Variants in TBC1D19 observed in about 807,000 individuals in gnomAD.
TBC1D19 encodes the protein TBC1 domain family, member 19.
Under a neutral mutation model 89.0 loss-of-function variants are expected in TBC1D19, and 60 were observed. The observed-to-expected ratio is 0.67, with a 90% CI of 0.55 to 0.84. TBC1D19 has a LOEUF of 0.84. Among genes scored for constraint, TBC1D19 ranks in the 40% least tolerant of loss-of-function variants. The pLI is 0.00. For synonymous variants in TBC1D19, 189 were observed against 199.7 expected, an observed-to-expected ratio of 0.95 and a Z score of 0.45; for missense variants, 500 against 610.8, an observed-to-expected ratio of 0.82 and a Z score of 1.91.
At chr4:26,851,353 CT>C in the TBC1D19 span, among the ~76,000 whole-genome samples, 1 of 150,564 alleles carries the variant, frequency 6.6e-6, no homozygotes, top group Non-Finnish European at 1.5e-5. Context: ...ATCTATCTAT[CT>C]ATCTATCATC....
At chr4:26,818,761 T>A in the TBC1D19 span, among the ~76,000 whole-genome samples, 1 of 152,188 alleles carries the variant, frequency 6.6e-6, no homozygotes, top group Non-Finnish European at 1.5e-5. Context: ...CTTTCCTGAT[T>A]TTAACATTGA....
intron 15 of TBC1D19, among the ~76,000 whole-genome samples, chr4:26,731,877 C>T (rs533794933): frequency 2.0e-5 from 3 of 151,712 alleles, no homozygotes; most frequent in East Asian, 1.9e-4. Flanking sequence ...AAACCATTTG[C>T]GAGATTTTGA....
At chr4:26,753,022 T>G (rs1719060429) in intron 19 of TBC1D19, among the ~76,000 whole-genome samples, 1 of 152,178 alleles carries the variant, frequency 6.6e-6, no homozygotes, top group Non-Finnish European at 1.5e-5. Flanking sequence ...ATGTTTGGAT[T>G]TTTTTGAAGT....
intron 4 of TBC1D19, among the ~76,000 whole-genome samples, chr4:26,623,096 CTCTT>C (rs1181378591): frequency 6.6e-6 from 1 of 152,132 alleles, no homozygotes; most frequent in Non-Finnish European, 1.5e-5. Flanking sequence ...GGGCAATTCT[CTCTT>C]CTTTCCATGA....
chr4:26,711,854 G>A (rs2109245841), intron 13 of TBC1D19, among the ~76,000 whole-genome samples: 1 of 152,116 alleles, frequency 6.6e-6, no homozygotes, highest in Admixed American at 6.5e-5. Flanking sequence ...AACAACTCAG[G>A]TTAGAATAAG....
intron 19 of TBC1D19, among the ~76,000 whole-genome samples, chr4:26,753,387 T>C (rs765159463): frequency 6.6e-6 from 1 of 152,134 alleles, no homozygotes; most frequent in Non-Finnish European, 1.5e-5. Context: ...CCCAGCACTT[T>C]GGGAGGGTGA....
At chr4:26,578,186 A>G (rs1237817792) in intron 1 of TBC1D19, among the ~76,000 whole-genome samples, 1 of 152,160 alleles carries the variant, frequency 6.6e-6, no homozygotes, top group Non-Finnish European at 1.5e-5. Context: ...GGCATCTTAC[A>G]GTGGGCCCGC....
rs762558953 is a variant in TBC1D19 at position 26,754,853 on chromosome 4, C to G, written c.1507-20C>G. On this transcript the variant is annotated intron_variant, in intron 20 of 20. Coordinates refer to ENST00000264866, the MANE Select transcript of TBC1D19 (RefSeq NM_018317.4). ...AGACTTCGCTTTGCTATTAATAATTCTTTTTATTTTTTGTTTCAGGCAGTT... is the reference window on the plus strand; with the variant it reads ...AGACTTCGCTTTGCTATTAATAATTGTTTTTATTTTTTGTTTCAGGCAGTT... 1 of 1,566,192 alleles carries G rather than the reference C, an allele frequency of 6.4e-7. No individual in the cohort carries two copies. The highest frequency in any genetic ancestry group is 1.9e-5 in the Admixed American group (1 of 53,200).
At chr4:26,751,941 T>C (rs1265317011) in intron 19 of TBC1D19, among the ~76,000 whole-genome samples, 1 of 152,220 alleles carries the variant, frequency 6.6e-6, no homozygotes, top group Non-Finnish European at 1.5e-5. Flanking sequence ...AGATGAGTAG[T>C]TGCTGCTTAC....
At chr4:26,602,335 T>G (rs1740664997) in intron 1 of TBC1D19, among the ~76,000 whole-genome samples, 1 of 152,164 alleles carries the variant, frequency 6.6e-6, no homozygotes, top group South Asian at 2.1e-4. Flanking sequence ...TTATTTATTG[T>G]GCAGACATTT....
At chr4:26,677,699 T>G (rs1466683781) in intron 11 of TBC1D19, among the ~76,000 whole-genome samples, 1 of 152,140 alleles carries the variant, frequency 6.6e-6, no homozygotes, top group Non-Finnish European at 1.5e-5. Flanking sequence ...TGGAGATAAT[T>G]AAATCATGGG....
intron 1 of TBC1D19, among the ~76,000 whole-genome samples, chr4:26,598,686 G>T (rs937430555): frequency 1.3e-5 from 2 of 152,128 alleles, no homozygotes; most frequent in African/African-American, 2.4e-5. Context: ...GAGCCACCGC[G>T]CCCGGCCCTA....
chr4:26,825,197 C>CA, the TBC1D19 span, among the ~76,000 whole-genome samples: 1 of 151,836 alleles, frequency 6.6e-6, no homozygotes. Flanking sequence ...CTCCCTGGTT[C>CA]AAGCGATTCT....
intron 15 of TBC1D19, among the ~76,000 whole-genome samples, chr4:26,729,007 TC>T (rs1215259803): frequency 6.6e-6 from 1 of 152,208 alleles, no homozygotes; most frequent in Non-Finnish European, 1.5e-5. Context: ...AGAGCGAGAC[TC>T]CGTCTCAAAA....
chr4:26,711,767 T>G (rs978523607), intron 13 of TBC1D19, among the ~76,000 whole-genome samples: 46 of 152,196 alleles, frequency 3.0e-4, no homozygotes, highest in African/African-American at 1.0e-3. Flanking sequence ...CTTCATATAA[T>G]CATACCATTT....
the TBC1D19 span, among the ~76,000 whole-genome samples, chr4:26,817,968 TAAA>T: frequency 3.6e-3 from 430 of 119,178 alleles, 11 homozygotes; most frequent in African/African-American, 0.015. Context: ...AAACTCCATT[TAAA>T]AAAAAAAAAA....
intron 10 of TBC1D19, among the ~76,000 whole-genome samples, chr4:26,672,676 G>T (rs1000009745): frequency 6.6e-6 from 1 of 151,900 alleles, no homozygotes; most frequent in African/African-American, 2.4e-5. Context: ...ATCTTTTGAA[G>T]ATTCTTTTCC....
intron 13 of TBC1D19, among the ~76,000 whole-genome samples, chr4:26,698,943 A>G (rs540384315): frequency 5.4e-4 from 83 of 152,364 alleles, no homozygotes; most frequent in African/African-American, 1.9e-3. Flanking sequence ...CATTCAGGAC[A>G]TAGGCATGGG....
intron 1 of TBC1D19, among the ~76,000 whole-genome samples, chr4:26,588,995 A>C (rs1347233677): frequency 6.6e-6 from 1 of 152,126 alleles, no homozygotes; most frequent in African/African-American, 2.4e-5. Context: ...CCTTCAGTAT[A>C]TCACAGGCTT....
Sources: allele counts gnomAD v4.1 joint callset (sites outside exome capture counted in the v4.1 genomes callset), GRCh38; gene constraint gnomAD v4.1.1; transcripts MANE v1.5; gene names NCBI Gene and HGNC (gene_info 2026-07-23, HGNC 2026-07-21).